CDH13: variants seen among roughly 807,000 people sequenced by gnomAD.
The protein encoded by CDH13 is cadherin-13.
Under a neutral mutation model 63.8 loss-of-function variants are expected in CDH13, and 24 were observed. The observed-to-expected ratio is 0.38, with a 90% confidence interval of 0.27 to 0.53. The LOEUF (loss-of-function observed/expected upper bound fraction) is 0.53. Ranked by LOEUF, CDH13 falls within the 20% of genes least tolerant of loss-of-function variation. CDH13 has a pLI of 0.85. For synonymous variants in CDH13, 503 were observed against 355.3 expected, an observed-to-expected ratio of 1.42 and a Z score of -4.67; for missense variants, 1,049 against 903.1, an observed-to-expected ratio of 1.16 and a Z score of -2.07.
intron 7 of CDH13, among the ~76,000 whole-genome samples, chr16:83,573,194 G>A: frequency 6.6e-6 from 1 of 152,188 alleles, no homozygotes; most frequent in Non-Finnish European, 1.5e-5. Flanking sequence ...ATTGAATTTG[G>A]GGAGGTAGGG....
chr16:82,837,579 A>G (rs1781845908), intron 1 of CDH13, among the ~76,000 whole-genome samples: 13 of 152,192 alleles, frequency 8.5e-5, no homozygotes, highest in Admixed American at 8.5e-4. Flanking sequence ...TCCGGAGGAA[A>G]TCAGTTACAA....
At chr16:83,389,299 G>A (rs531404181) in intron 6 of CDH13, among the ~76,000 whole-genome samples, 24 of 152,098 alleles carry the variant, frequency 1.6e-4, no homozygotes, top group Admixed American at 5.2e-4. Context: ...TAGTGTATAA[G>A]CATTTTTTTA....
chr16:83,197,623 CA>C (rs1264947795), intron 4 of CDH13, among the ~76,000 whole-genome samples: 1 of 152,116 alleles, frequency 6.6e-6, no homozygotes, highest in Non-Finnish European at 1.5e-5. Context: ...AGGGAAGAGG[CA>C]GTCTCTGCAA....
chr16:82,744,249 G>C (rs2034061145), intron 1 of CDH13, among the ~76,000 whole-genome samples: 2 of 152,246 alleles, frequency 1.3e-5, no homozygotes, highest in African/African-American at 2.4e-5. Context: ...CGAAGCAAGA[G>C]GGTGATTGTT....
At chr16:83,628,451 C>G (rs16961057) in intron 8 of CDH13, among the ~76,000 whole-genome samples, 62,077 of 151,986 alleles carry the variant, frequency 0.41, 12,801 homozygotes, top group South Asian at 0.52. Flanking sequence ...TCTTCTCTGT[C>G]TCCACTGATA....
intron 2 of CDH13, among the ~76,000 whole-genome samples, chr16:82,961,103 C>G (rs1056460207): frequency 6.6e-6 from 1 of 152,214 alleles, no homozygotes; most frequent in Non-Finnish European, 1.5e-5. Flanking sequence ...TGCCTCCCCA[C>G]ACCCCCTGAG....
intron 5 of CDH13, among the ~76,000 whole-genome samples, chr16:83,277,294 A>G (rs2089022116): frequency 1.3e-5 from 2 of 152,194 alleles, no homozygotes; most frequent in Non-Finnish European, 2.9e-5. Context: ...GGCAGGCTGA[A>G]CAAAGCCTGT....
rs75078122 is a variant in CDH13 at position 82,871,513 on chromosome 16, C to T, written c.157+13040C>T. On this transcript the variant is annotated intron_variant, in intron 2 of 13. Transcript: ENST00000567109. Reference sequence around the variant, plus strand: ...TAACAGGCATCTAAAAGAGGTTTTCCGAAAGAGAAGCAGAATCACTGGAGT... The same window carrying T: ...TAACAGGCATCTAAAAGAGGTTTTCTGAAAGAGAAGCAGAATCACTGGAGT... 2.7e-4 allele frequency among the ~76,000 whole-genome samples: 41 copies of T among 152,154 alleles called. No individual in the cohort carries two copies. In the East Asian group the frequency reaches 4.6e-3, roughly 17 times the overall value.
chr16:82,845,741 G>C (rs2039228977), intron 1 of CDH13, among the ~76,000 whole-genome samples: 1 of 152,088 alleles, frequency 6.6e-6, no homozygotes, highest in Non-Finnish European at 1.5e-5. Flanking sequence ...GGTATTATAT[G>C]GCATTCGACA....
intron 4 of CDH13, among the ~76,000 whole-genome samples, chr16:83,133,553 C>T (rs1367999178): frequency 1.3e-5 from 2 of 152,184 alleles, no homozygotes; most frequent in Admixed American, 6.5e-5. Flanking sequence ...CACTGGAATG[C>T]AGTGGCGTGA....
chr16:83,007,498 G>A (rs1913652960), intron 2 of CDH13, among the ~76,000 whole-genome samples: 1 of 152,100 alleles, frequency 6.6e-6, no homozygotes, highest in Non-Finnish European at 1.5e-5. Context: ...TTGCTTTCAT[G>A]ATAAATTTCC....
intron 1 of CDH13, among the ~76,000 whole-genome samples, chr16:82,785,550 A>T (rs189220673): frequency 6.6e-6 from 1 of 152,188 alleles, no homozygotes; most frequent in Non-Finnish European, 1.5e-5. Flanking sequence ...CAAGTAAATG[A>T]CTAATTAATC....
chr16:83,561,124 C>T (rs900523491), intron 7 of CDH13, among the ~76,000 whole-genome samples: 1 of 152,164 alleles, frequency 6.6e-6, no homozygotes, highest in East Asian at 1.9e-4. Flanking sequence ...TTGAAAAATA[C>T]TCATTCAGGT....
intron 10 of CDH13, among the ~76,000 whole-genome samples, chr16:83,713,209 C>T (rs1272348232): frequency 6.6e-6 from 1 of 152,230 alleles, no homozygotes; most frequent in Non-Finnish European, 1.5e-5. Flanking sequence ...TTCCAACCCT[C>T]TCTCCGTCTA....
At chr16:83,064,674 TC>T (rs2031854267) in intron 3 of CDH13, among the ~76,000 whole-genome samples, 1 of 152,210 alleles carries the variant, frequency 6.6e-6, no homozygotes, top group African/African-American at 2.4e-5. Context: ...CTAGCCAATT[TC>T]TTTTTGATGG....
At chr16:83,482,206 A>G (rs2073785704) in intron 6 of CDH13, among the ~76,000 whole-genome samples, 1 of 152,236 alleles carries the variant, frequency 6.6e-6, no homozygotes, top group Non-Finnish European at 1.5e-5. Context: ...AGTGAATGGC[A>G]AGAAGCCAAT....
intron 5 of CDH13, among the ~76,000 whole-genome samples, chr16:83,238,439 C>A (rs144456279): frequency 6.6e-6 from 1 of 152,280 alleles, no homozygotes; most frequent in African/African-American, 2.4e-5. Context: ...GATTCAATTA[C>A]CTCCCACCAG....
chr16:83,782,795 A>G (rs1469962954), intron 12 of CDH13, among the ~76,000 whole-genome samples: 2 of 151,924 alleles, frequency 1.3e-5, no homozygotes, highest in African/African-American at 4.8e-5. Context: ...CATCTCCATG[A>G]TAACACATTA....
At chr16:83,278,487 G>C (rs1230172875) in intron 5 of CDH13, among the ~76,000 whole-genome samples, 1 of 152,200 alleles carries the variant, frequency 6.6e-6, no homozygotes, top group Non-Finnish European at 1.5e-5. Context: ...AGTTTCCATG[G>C]TGTGAAGAAT....
Sources: gnomAD v4.1 joint callset for allele counts (sites outside exome capture counted in the v4.1 genomes callset) on GRCh38, gnomAD v4.1.1 for gene constraint, MANE v1.5 for transcripts, NCBI Gene and HGNC (gene_info 2026-07-23, HGNC 2026-07-21) for gene names.